SFI1: variants seen among roughly 807,000 people sequenced by gnomAD.
SFI1 encodes SFI1 centrin binding protein.
Under a neutral mutation model 207.5 loss-of-function variants are expected in SFI1, and 195 were observed. The ratio of observed to expected loss-of-function variants is 0.94; its 90% confidence interval spans 0.84 to 1.06. The LOEUF (loss-of-function observed/expected upper bound fraction) is 1.06. Ranked by LOEUF, SFI1 falls within the 50% of genes least tolerant of loss-of-function variation. SFI1 has a pLI of 0.00. For missense variants in SFI1, 1,634 were observed against 1,588.0 expected, an observed-to-expected ratio of 1.03 and a Z score of -0.49; for synonymous variants, 630 against 598.9, an observed-to-expected ratio of 1.05 and a Z score of -0.76.
At chr22:31,601,128 C>A (rs1423821994) in intron 15 of SFI1, among the ~76,000 whole-genome samples, 5 of 80,314 alleles carry the variant, frequency 6.2e-5, no homozygotes, top group Non-Finnish European at 9.8e-5. Flanking sequence ...CTTTTCTTTA[C>A]TTTTTTTTTT....
At chr22:31,522,997 C>T (rs5998026) in intron 2 of SFI1, among the ~76,000 whole-genome samples, 49 of 152,236 alleles carry the variant, frequency 3.2e-4, no homozygotes, top group African/African-American at 1.1e-3. Flanking sequence ...GTGAACTGTA[C>T]GCCATTTTTT....
chr22:31,597,566 T>C lies in SFI1; in HGVS notation c.1545-4646T>C, dbSNP rs2067339257. 3.3e-5 allele frequency among the ~76,000 whole-genome samples: 5 copies of C among 152,126 alleles called. No individual in the cohort carries two copies. In the South Asian group the frequency reaches 1.0e-3, roughly 32 times the overall value. ...CCTCGAATGTAAAATTGAGATGATGTGGTCATAGTCTCTATCTCATATGGT... is the reference window on the plus strand; with the variant it reads ...CCTCGAATGTAAAATTGAGATGATGCGGTCATAGTCTCTATCTCATATGGT... On this transcript the variant is annotated intron_variant, in intron 15 of 32. Transcript: ENST00000400288.
At chr22:31,514,560 G>T (rs1237678380) in intron 2 of SFI1, among the ~76,000 whole-genome samples, 1 of 150,612 alleles carries the variant, frequency 6.6e-6, no homozygotes, top group Middle Eastern at 3.5e-3. Context: ...TTTAACTGAG[G>T]CTTTGTGTCC....
At chr22:31,526,400 A>G (rs1261253388) in intron 2 of SFI1, among the ~76,000 whole-genome samples, 1 of 152,184 alleles carries the variant, frequency 6.6e-6, no homozygotes, top group East Asian at 1.9e-4. Flanking sequence ...TAAAACCATC[A>G]GATCTCGTGG....
At chr22:31,609,420 G>T (rs1166271806) in intron 22 of SFI1, among the ~76,000 whole-genome samples, 1 of 152,164 alleles carries the variant, frequency 6.6e-6, no homozygotes, top group African/African-American at 2.4e-5. Flanking sequence ...ACACAGCTAG[G>T]GGTCCCATAG....
intron 24 of SFI1, chr22:31,612,378 T>TGAAAAAAAAAA (rs1220311850): frequency 8.0e-5 from 5 of 62,264 alleles, no homozygotes; most frequent in South Asian, 7.0e-4. Flanking sequence ...AGACTCTGTC[T>TGAAAAAAAAAA]AAAAAAAAAA....
At chr22:31,567,786 G>A (rs923345598) in intron 8 of SFI1, among the ~76,000 whole-genome samples, 1 of 152,064 alleles carries the variant, frequency 6.6e-6, no homozygotes, top group African/African-American at 2.4e-5. Context: ...AAAAACAATT[G>A]CCAGATTTTC....
chr22:31,571,763 CATT>C (rs2062978833), intron 8 of SFI1, among the ~76,000 whole-genome samples: 1 of 152,106 alleles, frequency 6.6e-6, no homozygotes, highest in African/African-American at 2.4e-5. Flanking sequence ...ACCATAATAT[CATT>C]ATTATATTCC....
chr22:31,585,227 A>T, intron 14 of SFI1, 93 bp downstream of exon 14: 1 of 1,088,194 alleles, frequency 9.2e-7, no homozygotes, highest in Non-Finnish European at 1.4e-6. Context: ...TATGCCAAGA[A>T]GTCTTATCGT....
At chr22:31,546,202 C>T (rs1413060495) in intron 4 of SFI1, among the ~76,000 whole-genome samples, 1 of 151,956 alleles carries the variant, frequency 6.6e-6, no homozygotes, top group Non-Finnish European at 1.5e-5. Flanking sequence ...TGGAGTCTTG[C>T]TATGTTGCCC....
At chr22:31,513,765 G>C (rs780306589) in intron 2 of SFI1, among the ~76,000 whole-genome samples, 26 of 151,676 alleles carry the variant, frequency 1.7e-4, no homozygotes, top group Admixed American at 3.3e-4. Flanking sequence ...ATTTTTAGTA[G>C]AGACAGGGTT....
At chr22:31,589,376 G>A in intron 14 of SFI1, 71 bp from the exon 15 acceptor site, 1 of 1,331,592 alleles carries the variant, frequency 7.5e-7, no homozygotes, top group Non-Finnish European at 1.0e-6. Flanking sequence ...TCCCACAAGG[G>A]TGTGACCCTG....
chr22:31,614,649 C>A, intron 27 of SFI1, 140 bp from the exon 28 acceptor site: 1 of 920,388 alleles, frequency 1.1e-6, no homozygotes, highest in Non-Finnish European at 1.7e-6. Flanking sequence ...GGCCCAGGCC[C>A]ACCCCAGCTT....
intron 6 of SFI1, among the ~76,000 whole-genome samples, chr22:31,555,736 G>C (rs1220563022): frequency 6.6e-6 from 1 of 152,142 alleles, no homozygotes; most frequent in Non-Finnish European, 1.5e-5. Context: ...AGTAAGTCTG[G>C]CTTGTCTTAC....
chr22:31,517,056 C>T (rs749961630), intron 2 of SFI1, among the ~76,000 whole-genome samples: 1 of 151,902 alleles, frequency 6.6e-6, no homozygotes, highest in Non-Finnish European at 1.5e-5. Flanking sequence ...ATCACTTGAA[C>T]CCAGGAGGCA....
At chr22:31,512,375 C>G (rs1039604929) in intron 2 of SFI1, among the ~76,000 whole-genome samples, 1 of 150,834 alleles carries the variant, frequency 6.6e-6, no homozygotes, top group African/African-American at 2.4e-5. Flanking sequence ...AAAAAAATTA[C>G]ATGGTAAGAA....
chr22:31,579,932 C>T (rs941892770), intron 11 of SFI1, among the ~76,000 whole-genome samples: 2 of 152,210 alleles, frequency 1.3e-5, no homozygotes, highest in Non-Finnish European at 2.9e-5. Flanking sequence ...CTGTCTTCTC[C>T]TGAGAGGCAA....
intron 15 of SFI1, among the ~76,000 whole-genome samples, chr22:31,593,338 C>T (rs954228031): frequency 2.2e-5 from 3 of 137,242 alleles, no homozygotes; most frequent in Admixed American, 1.4e-4. Context: ...CGGGCAGAGG[C>T]GCTCCTCACA....
intron 14 of SFI1, among the ~76,000 whole-genome samples, chr22:31,588,938 C>G (rs1013011900): frequency 1.3e-5 from 2 of 152,162 alleles, no homozygotes; most frequent in South Asian, 2.1e-4. Context: ...TGTCCATTGT[C>G]TGTCTTCCTA....
Sources: allele counts gnomAD v4.1 joint callset (sites outside exome capture counted in the v4.1 genomes callset), GRCh38; gene constraint gnomAD v4.1.1; transcripts MANE v1.5; gene names NCBI Gene and HGNC (gene_info 2026-07-23, HGNC 2026-07-21).